Variants in MYL9 observed in about 807,000 individuals in gnomAD.
The protein encoded by MYL9 is myosin regulatory light polypeptide 9.
In MYL9, 7 loss-of-function variants were observed where a neutral mutation model predicts 12.8. That is an observed-to-expected ratio of 0.55 (90% CI 0.31 to 1.03). MYL9 has a LOEUF of 1.03. MYL9 is among the 50% of genes least tolerant of loss of function. The probability of loss-of-function intolerance (pLI) is 0.05; values close to 1 mark genes in which losing one functional copy is unlikely to be tolerated. For missense variants in MYL9, 190 were observed against 242.7 expected (o/e 0.78, Z 1.44); for synonymous variants, 81 against 87.8 (o/e 0.92, Z 0.43).
Position 36,548,165 on chromosome 20 carries a change from C to G in MYL9, c.318C>G (p.Ala106=). 4 of 1,613,250 alleles carry G rather than the reference C, an allele frequency of 2.5e-6. No individual in the cohort carries two copies. The highest frequency in any genetic ancestry group is 3.3e-5 in the Admixed American group (2 of 59,922). The part of the protein sequence containing the change: ...GTDPEDVIRN[A]FACFDEEASG... ...ACCCCGAGGATGTGATTCGCAACGC[C>G]TTTGCCTGCTTCGACGAGGAAGCCT... Residue 106 remains alanine, a synonymous_variant, in exon 3 of 4, where the codon GCC becomes GCG. Coordinates refer to ENST00000279022, the MANE Select transcript of MYL9 (RefSeq NM_006097.5).
In MYL9 at chr20:36,549,479, A is replaced by G; in HGVS notation, c.*230A>G. ...CTATAGTCTCTGACCCCTCCAAGGA[A>G]AGACCACCTTCTGGGGACATGGGCT... On this transcript the variant is annotated 3_prime_UTR_variant, in exon 4 of 4. Transcript: ENST00000279022. The G allele has an allele frequency of 2.1e-6, 1 of 481,312 alleles. No homozygotes were observed. Among genetic ancestry groups the G allele is most frequent in the Non-Finnish European group, 3.7e-6 (1 of 266,850 alleles). The allele number at this position is 481,312 out of a possible 1,614,324, so 29.8% of individuals were successfully genotyped here.
chr20:36,546,581 C>G (rs754683211), intron 2 of MYL9, among the ~76,000 whole-genome samples: 2 of 152,102 alleles, frequency 1.3e-5, no homozygotes, highest in South Asian at 2.1e-4. Context: ...CTCCCTCCCC[C>G]AGGAGGTCAC....
intron 3 of MYL9, 33 bp downstream of exon 3, chr20:36,548,226 C>G (rs1385038642): frequency 6.3e-7 from 1 of 1,579,146 alleles, no homozygotes; most frequent in Non-Finnish European, 8.6e-7. Context: ...ACTCTGCATG[C>G]AAGTGGAACA....
chr20:36,548,103 T>A lies in MYL9; in HGVS notation c.256T>A (p.Phe86Ile). ...EAPGPINFTM[F>I]LTMFGEKLNG... ...CCCGGGGCCCATCAACTTCACCATG[T>A]TCCTCACCATGTTTGGGGAGAAGCT... Residue 86 changes from phenylalanine to isoleucine, a missense_variant, in exon 3 of 4, where the codon TTC (phenylalanine) becomes ATC (isoleucine). Transcript: ENST00000279022. 1 of 1,613,946 alleles carries A rather than the reference T, an allele frequency of 6.2e-7. No homozygotes were observed. Among genetic ancestry groups the A allele is most frequent in the Non-Finnish European group, 8.5e-7 (1 of 1,179,866 alleles).
chr20:36,545,450 T>C (rs1223532630), intron 2 of MYL9, among the ~76,000 whole-genome samples: 1 of 140,320 alleles, frequency 7.1e-6, no homozygotes, highest in Non-Finnish European at 1.5e-5. Flanking sequence ...TGAGCCGAGA[T>C]CGCCCCACTG....
intron 1 of MYL9, among the ~76,000 whole-genome samples, chr20:36,543,654 T>C (rs1280434934): frequency 1.3e-5 from 2 of 152,242 alleles, no homozygotes; most frequent in Admixed American, 6.5e-5. Flanking sequence ...TGCCTTCATA[T>C]AGTCATTCAT....
At chr20:36,544,397 A>G (rs1166028414) in intron 1 of MYL9, among the ~76,000 whole-genome samples, 1 of 152,136 alleles carries the variant, frequency 6.6e-6, no homozygotes, top group Non-Finnish European at 1.5e-5. Flanking sequence ...GCAGCCCAGG[A>G]GAGCCCTCAC....
At chr20:36,545,165 C>A in intron 2 of MYL9, 97 bp downstream of exon 2, 1 of 1,365,550 alleles carries the variant, frequency 7.3e-7, no homozygotes, top group South Asian at 1.3e-5. Context: ...CGCGTGGTGT[C>A]CACCTTAGAG....
intron 2 of MYL9, among the ~76,000 whole-genome samples, chr20:36,546,986 T>C (rs2038108458): frequency 6.6e-6 from 1 of 152,182 alleles, no homozygotes; most frequent in Admixed American, 6.5e-5. Flanking sequence ...TACCCCAGTG[T>C]CCTGGCGTCA....
intron 2 of MYL9, among the ~76,000 whole-genome samples, chr20:36,546,325 A>T (rs1379160046): frequency 1.3e-5 from 2 of 152,076 alleles, no homozygotes; most frequent in African/African-American, 4.8e-5. Flanking sequence ...TGGGGGAGGG[A>T]GAGTCCAGGA....
At chr20:36,549,028 A>G (rs1346782068) in intron 3 of MYL9, 49 bp from the exon 4 acceptor site, 1 of 1,579,334 alleles carries the variant, frequency 6.3e-7, no homozygotes, top group Admixed American at 1.7e-5. Context: ...GCTGCTGTGT[A>G]TGTCTCAGCC....
chr20:36,548,281 C>T (rs2038126654), intron 3 of MYL9, 88 bp downstream of exon 3: 2 of 1,454,462 alleles, frequency 1.4e-6, no homozygotes, highest in Admixed American at 2.4e-5. Flanking sequence ...CCAGAACAGA[C>T]ATCACCCATC....
chr20:36,549,483 C>CTA lies in MYL9; in HGVS notation c.*234_*235insTA. 2 of 476,306 alleles carry CTA rather than the reference C, an allele frequency of 4.2e-6. No homozygotes were observed. The highest frequency in any genetic ancestry group is 7.6e-6 in the Non-Finnish European group (2 of 263,806). 29.5% of individuals were successfully genotyped at this position (476,306 alleles called of 1,614,324 possible). A position where few individuals can be genotyped will look rare whatever the true frequency, so the allele number is the denominator to read the frequency against. The stretch of plus-strand genomic sequence containing the variant: ...AGTCTCTGACCCCTCCAAGGAAAGA[C>CTA]CACCTTCTGGGGACATGGGCTGGAG... On this transcript the variant is annotated 3_prime_UTR_variant, in exon 4 of 4. Transcript: ENST00000279022.
chr20:36,548,898 T>C (rs1019938496), intron 3 of MYL9, among the ~76,000 whole-genome samples, 179 bp from the exon 4 acceptor site: 3 of 152,020 alleles, frequency 2.0e-5, no homozygotes, highest in Admixed American at 6.6e-5. Context: ...CGACACCCCT[T>C]CACGTGCACC....
intron 1 of MYL9, among the ~76,000 whole-genome samples, chr20:36,543,944 A>AC (rs1251720758): frequency 6.6e-6 from 1 of 152,196 alleles, no homozygotes; most frequent in Non-Finnish European, 1.5e-5. Context: ...GAGGGCTGTC[A>AC]GAGAGGCCAG....
In MYL9 at chr20:36,545,002, A is replaced by G; in HGVS notation, c.118A>G (p.Met40Val). 6.2e-7 allele frequency: 1 copy of G among 1,614,152 alleles called. No homozygotes were observed. Among genetic ancestry groups the G allele is most frequent in the Non-Finnish European group, 8.5e-7 (1 of 1,180,038 alleles). The change falls in exon 2 of 4, where the codon ATG becomes GTG. Residue 40 changes from methionine to valine, a missense_variant. Met to Val is a conservative substitution (Grantham distance 21). Transcript: ENST00000279022. ...QIQEFKEAFN[M>V]IDQNRDGFID... ...CCAGGAGTTTAAGGAGGCTTTCAAC[A>G]TGATTGACCAGAACCGTGATGGCTT... is the stretch of plus-strand genomic sequence containing the variant.
At chr20:36,542,450 C>A (rs1478330095) in intron 1 of MYL9, among the ~76,000 whole-genome samples, 2 of 152,142 alleles carry the variant, frequency 1.3e-5, no homozygotes, top group South Asian at 2.1e-4. Context: ...TCAGTGCTGA[C>A]CCCTGGTGTC....
chr20:36,545,220 G>C, intron 2 of MYL9, 152 bp downstream of exon 2: 2 of 934,714 alleles, frequency 2.1e-6, no homozygotes, highest in Middle Eastern at 3.4e-4. Flanking sequence ...AAACTGGGCC[G>C]GGCGCGGTGG....
At position 36,548,088 on chromosome 20, in the gene MYL9, A is replaced by C; in HGVS notation, c.241A>C (p.Ile81Leu). 1.2e-6 allele frequency: 2 copies of C among 1,613,906 alleles called. No individual in the cohort carries two copies. Among genetic ancestry groups the C allele is most frequent in the Non-Finnish European group, 1.7e-6 (2 of 1,179,866 alleles). The change falls in exon 3 of 4, where the codon ATC becomes CTC. Residue 81 changes from isoleucine (I) to leucine (L), a missense_variant. Ile to Leu is a conservative substitution (Grantham distance 5, BLOSUM62 2). Transcript: ENST00000279022. ...EGMMSEAPGP[I>L]NFTMFLTMFG... ...CATGATGAGCGAGGCCCCGGGGCCCATCAACTTCACCATGTTCCTCACCAT... is the reference window on the plus strand; with the variant it reads ...CATGATGAGCGAGGCCCCGGGGCCCCTCAACTTCACCATGTTCCTCACCAT...
Sources: allele counts gnomAD v4.1 joint callset (sites outside exome capture counted in the v4.1 genomes callset), GRCh38; gene constraint gnomAD v4.1.1; transcripts MANE v1.5; gene names NCBI Gene and HGNC (gene_info 2026-07-23, HGNC 2026-07-21).